RSRC1: variants seen among roughly 807,000 people sequenced by gnomAD.
RSRC1 encodes the protein serine/Arginine-related protein 53.
RSRC1 carries 39 observed loss-of-function variants against 49.1 expected under a neutral mutation model. The observed-to-expected ratio is 0.79, with a 90% CI of 0.61 to 1.04. The LOEUF (loss-of-function observed/expected upper bound fraction) is 1.04, where lower values mean the gene tolerates loss of function less well. RSRC1 is among the 50% of genes least tolerant of loss of function. The probability of loss-of-function intolerance (pLI) is 0.00; values close to 1 mark genes in which losing one functional copy is unlikely to be tolerated. For missense variants in RSRC1, 388 were observed against 402.4 expected (o/e 0.96, Z 0.31); for synonymous variants, 143 against 130.8 (o/e 1.09, Z -0.63).
intron 5 of RSRC1, among the ~76,000 whole-genome samples, chr3:158,344,891 T>C (rs976187638): frequency 6.6e-5 from 10 of 152,008 alleles, no homozygotes; most frequent in African/African-American, 2.4e-4. Context: ...TTAAAGCCAA[T>C]AAGCCAACAA....
chr3:158,451,345 C>G (rs1260300685), intron 6 of RSRC1, among the ~76,000 whole-genome samples: 2 of 151,926 alleles, frequency 1.3e-5, no homozygotes, highest in East Asian at 1.9e-4. Flanking sequence ...TTGGGAGGAG[C>G]TGATATTATA....
chr3:158,385,315 T>C (rs1348445704), intron 6 of RSRC1, among the ~76,000 whole-genome samples: 1 of 152,170 alleles, frequency 6.6e-6, no homozygotes, highest in Non-Finnish European at 1.5e-5. Flanking sequence ...AGTATAGCAT[T>C]GTACTATAAA....
chr3:158,112,123 C>G (rs1293588688), intron 1 of RSRC1, among the ~76,000 whole-genome samples: 1 of 152,132 alleles, frequency 6.6e-6, no homozygotes, highest in Admixed American at 6.5e-5. Context: ...GGAGCTCTGT[C>G]CCATGTTGTC....
chr3:158,396,796 T>C (rs939401122), intron 6 of RSRC1, among the ~76,000 whole-genome samples: 1 of 152,122 alleles, frequency 6.6e-6, no homozygotes, highest in African/African-American at 2.4e-5. Context: ...AATACAAATC[T>C]CAAAGGAAAT....
At chr3:158,443,717 C>T (rs1464551103) in intron 6 of RSRC1, among the ~76,000 whole-genome samples, 1 of 152,132 alleles carries the variant, frequency 6.6e-6, no homozygotes, top group African/African-American at 2.4e-5. Flanking sequence ...CAATGTGTTG[C>T]ACTATTTGGC....
At chr3:158,426,980 A>G (rs1450950366) in intron 6 of RSRC1, among the ~76,000 whole-genome samples, 4 of 151,808 alleles carry the variant, frequency 2.6e-5, no homozygotes, top group Non-Finnish European at 5.9e-5. Context: ...TAGGGAAGTT[A>G]TGAATAAAAG....
intron 7 of RSRC1, among the ~76,000 whole-genome samples, chr3:158,462,860 T>A (rs1365897177): frequency 2.6e-5 from 4 of 152,040 alleles, no homozygotes; most frequent in Admixed American, 6.6e-5. Context: ...CTTTTTTCTT[T>A]CAGTTCCTGA....
intron 6 of RSRC1, among the ~76,000 whole-genome samples, chr3:158,391,427 C>A (rs1733284888): frequency 6.6e-6 from 1 of 152,128 alleles, no homozygotes; most frequent in African/African-American, 2.4e-5. Context: ...ATTGAAAATG[C>A]CTACCACTTG....
chr3:158,537,405 G>A (rs188967480), intron 8 of RSRC1, among the ~76,000 whole-genome samples: 262 of 151,704 alleles, frequency 1.7e-3, no homozygotes, highest in Non-Finnish European at 3.0e-3. Context: ...GCTATAAAAT[G>A]TGTCAGATGT....
intron 4 of RSRC1, among the ~76,000 whole-genome samples, chr3:158,210,362 G>A (rs1721603383): frequency 1.3e-5 from 2 of 151,568 alleles, no homozygotes; most frequent in Admixed American, 6.6e-5. Flanking sequence ...TATTGAAAAA[G>A]ACGAAGACTT....
At chr3:158,407,704 A>G (rs1734226995) in intron 6 of RSRC1, among the ~76,000 whole-genome samples, 2 of 152,192 alleles carry the variant, frequency 1.3e-5, no homozygotes, top group African/African-American at 4.8e-5. Context: ...TTCATTAATA[A>G]TAGTTCTTTT....
intron 5 of RSRC1, chr3:158,303,217 G>A (rs1727660456): frequency 6.6e-6 from 1 of 152,168 alleles, no homozygotes; most frequent in South Asian, 2.1e-4. Context: ...TTGGGAGAAG[G>A]ATTTAGATCA....
intron 6 of RSRC1, among the ~76,000 whole-genome samples, chr3:158,387,493 T>G (rs1733029615): frequency 6.6e-6 from 1 of 152,112 alleles, no homozygotes; most frequent in African/African-American, 2.4e-5. Context: ...AAAAATTAAG[T>G]CAACTAGAAT....
At chr3:158,191,208 T>C (rs827153) in intron 3 of RSRC1, among the ~76,000 whole-genome samples, 99,587 of 151,798 alleles carry the variant, frequency 0.66, 32,909 homozygotes, top group East Asian at 0.84. Context: ...AAAAATTCCT[T>C]TTATTGTTAT....
intron 4 of RSRC1, among the ~76,000 whole-genome samples, chr3:158,245,039 T>G (rs1723811001): frequency 7.0e-6 from 1 of 143,876 alleles, no homozygotes; most frequent in South Asian, 2.2e-4. Flanking sequence ...TCTCCTTCAG[T>G]TCCATTCTGA....
chr3:158,466,905 A>G (rs1255427772), intron 7 of RSRC1, among the ~76,000 whole-genome samples: 1 of 152,072 alleles, frequency 6.6e-6, no homozygotes, highest in Non-Finnish European at 1.5e-5. Context: ...CAAAAAGAAA[A>G]AAGATTAGTC....
At chr3:158,131,038 G>A (rs1715985456) in intron 3 of RSRC1, among the ~76,000 whole-genome samples, 1 of 152,040 alleles carries the variant, frequency 6.6e-6, no homozygotes, top group Non-Finnish European at 1.5e-5. Flanking sequence ...GAAAAGTGAT[G>A]AACGTGGGCA....
chr3:158,474,085 AT>A (rs973938321), intron 7 of RSRC1, among the ~76,000 whole-genome samples: 7 of 152,120 alleles, frequency 4.6e-5, no homozygotes, highest in African/African-American at 1.7e-4. Flanking sequence ...TTGTAGCACT[AT>A]TTTTCAACAC....
At chr3:158,128,773 G>A (rs534245028) in intron 3 of RSRC1, among the ~76,000 whole-genome samples, 1 of 152,202 alleles carries the variant, frequency 6.6e-6, no homozygotes, top group South Asian at 2.1e-4. Context: ...TCCAGTCTAC[G>A]AGAGTTCCTC....
Sources: gnomAD v4.1 joint callset for allele counts (sites outside exome capture counted in the v4.1 genomes callset) on GRCh38, gnomAD v4.1.1 for gene constraint, MANE v1.5 for transcripts, NCBI Gene and HGNC (gene_info 2026-07-23, HGNC 2026-07-21) for gene names.